The following ARL3 variants were observed in gnomAD, a reference collection of about 807,000 sequenced individuals.
ARL3 encodes ADP-ribosylation factor-like protein 3.
ARL3 carries 9 observed loss-of-function variants against 26.0 expected under a neutral mutation model. The observed-to-expected ratio is 0.35, with a 90% confidence interval of 0.21 to 0.60. ARL3 has a LOEUF of 0.60. Among genes scored for constraint, ARL3 ranks in the 20% least tolerant of loss-of-function variants. The pLI is 0.78. For synonymous variants in ARL3, 71 were observed against 78.4 expected (o/e 0.91, Z 0.50); for missense variants, 158 against 215.7 (o/e 0.73, Z 1.67).
chr10:102,679,528 C>G (rs1034720278), intron 5 of ARL3, among the ~76,000 whole-genome samples: 2 of 152,236 alleles, frequency 1.3e-5, no homozygotes, highest in Non-Finnish European at 2.9e-5. Context: ...TCCAGAGCTG[C>G]TTACCAGTTC....
chr10:102,678,074 C>T (rs966860339), intron 5 of ARL3, among the ~76,000 whole-genome samples: 2 of 152,172 alleles, frequency 1.3e-5, no homozygotes, highest in African/African-American at 2.4e-5. Flanking sequence ...CTCATCTGAC[C>T]GTCACCTGAA....
intron 5 of ARL3, among the ~76,000 whole-genome samples, chr10:102,684,547 T>G (rs1346650503): frequency 6.6e-6 from 1 of 152,224 alleles, no homozygotes; most frequent in Non-Finnish European, 1.5e-5. Flanking sequence ...TTCTTGGGTC[T>G]CATCTTCATC....
chr10:102,701,226 G>C (rs926404279), intron 2 of ARL3, among the ~76,000 whole-genome samples: 1 of 152,106 alleles, frequency 6.6e-6, no homozygotes, highest in African/African-American at 2.4e-5. Context: ...AAATTACATA[G>C]GGAAACCAGG....
chr10:102,687,336 C>T (rs1035836615), intron 4 of ARL3, among the ~76,000 whole-genome samples: 1 of 151,368 alleles, frequency 6.6e-6, no homozygotes, highest in Admixed American at 6.6e-5. Flanking sequence ...TGGGCTCAAG[C>T]AATGCTTAAC....
At chr10:102,711,490 G>A (rs1300100094) in intron 1 of ARL3, among the ~76,000 whole-genome samples, 2 of 151,988 alleles carry the variant, frequency 1.3e-5, no homozygotes, top group Non-Finnish European at 2.9e-5. Flanking sequence ...GGTGGCTCAC[G>A]CCTGTAATCC....
intron 2 of ARL3, among the ~76,000 whole-genome samples, chr10:102,701,146 TA>T (rs2064277795): frequency 6.6e-6 from 1 of 152,092 alleles, no homozygotes; most frequent in African/African-American, 2.4e-5. Context: ...AGAAACAAAT[TA>T]ACAAGCCCTT....
chr10:102,683,813 G>A (rs1025067547), intron 5 of ARL3, among the ~76,000 whole-genome samples: 23 of 152,220 alleles, frequency 1.5e-4, no homozygotes, highest in African/African-American at 5.3e-4. Context: ...GATGGGAGTT[G>A]GGGGAGGGCT....
Position 102,675,772 on chromosome 10 carries a change from T to C in ARL3, c.*1122A>G, listed in dbSNP as rs1329832646. 2.0e-5 allele frequency: 3 copies of C among 152,280 alleles called. No homozygotes were observed. The highest frequency in any genetic ancestry group is 4.4e-5 in the Non-Finnish European group (3 of 68,064). The allele number at this position is 152,280 out of a possible 1,614,324, so 9.4% of individuals were successfully genotyped here. A position where few individuals can be genotyped will look rare whatever the true frequency, so the allele number is the denominator to read the frequency against. ...ACCCCTGCAGTCACACACACACCCA[T>C]GTCCTCCCCAGCAGCAAACCCTCTC... is the stretch of plus-strand genomic sequence containing the variant. On this transcript the variant is annotated 3_prime_UTR_variant, in exon 6 of 6. Transcript: ENST00000260746.
At chr10:102,686,447 C>T (rs1342371272) in intron 4 of ARL3, among the ~76,000 whole-genome samples, 1 of 148,224 alleles carries the variant, frequency 6.7e-6, no homozygotes, top group Non-Finnish European at 1.5e-5. Context: ...TAGTGATTCT[C>T]AAACTTTTTT....
At chr10:102,682,678 G>A (rs1237590716) in intron 5 of ARL3, among the ~76,000 whole-genome samples, 2 of 152,202 alleles carry the variant, frequency 1.3e-5, no homozygotes, top group Non-Finnish European at 2.9e-5. Context: ...GCCCCCGTGA[G>A]GCTACCTATT....
intron 5 of ARL3, among the ~76,000 whole-genome samples, chr10:102,683,883 T>C (rs565335309): frequency 6.6e-6 from 1 of 152,318 alleles, no homozygotes; most frequent in African/African-American, 2.4e-5. Flanking sequence ...TCTGAAGCAG[T>C]GTCCTTGACT....
At position 102,699,305 on chromosome 10, in the gene ARL3, T is replaced by A. The variant is rs979528009; in HGVS notation, c.264+68A>T. On this transcript the variant is annotated intron_variant, in intron 3 of 5. Transcript: ENST00000260746. Reference sequence around the variant, plus strand: ...TGGAATTACTGACAAGAAAGAATGTTACAGTGTCCATGTTTCTAACACATG... The same window carrying A: ...TGGAATTACTGACAAGAAAGAATGTAACAGTGTCCATGTTTCTAACACATG... 6.8e-6 allele frequency: 6 copies of A among 887,738 alleles called. No homozygotes were observed. The Admixed American group carries it at 8.4e-5, about 12-fold the overall frequency. 55.0% of individuals were successfully genotyped at this position (887,738 alleles called of 1,614,324 possible).
At chr10:102,693,841 T>A (rs1375634967) in intron 3 of ARL3, among the ~76,000 whole-genome samples, 1 of 151,612 alleles carries the variant, frequency 6.6e-6, no homozygotes, top group East Asian at 1.9e-4. Flanking sequence ...ACTGGCTAAT[T>A]TTTTTTTATT....
At chr10:102,702,228 C>T (rs920575381) in intron 2 of ARL3, among the ~76,000 whole-genome samples, 11 of 151,902 alleles carry the variant, frequency 7.2e-5, no homozygotes, top group African/African-American at 2.4e-4. Flanking sequence ...ATGATACAAG[C>T]TAGTATATCC....
At chr10:102,709,557 G>A (rs1354740480) in intron 1 of ARL3, among the ~76,000 whole-genome samples, 1 of 148,606 alleles carries the variant, frequency 6.7e-6, no homozygotes, top group Non-Finnish European at 1.5e-5. Flanking sequence ...TGAGACAGAA[G>A]GATGGCTTGA....
intron 1 of ARL3, among the ~76,000 whole-genome samples, chr10:102,711,558 T>C (rs2064340793): frequency 6.6e-6 from 1 of 151,960 alleles, no homozygotes; most frequent in African/African-American, 2.4e-5. Context: ...CAGACCATCC[T>C]GGCTAACATG....
intron 3 of ARL3, among the ~76,000 whole-genome samples, chr10:102,690,986 G>A (rs933803045): frequency 1.3e-5 from 2 of 150,832 alleles, no homozygotes; most frequent in African/African-American, 4.9e-5. Flanking sequence ...CTCCTGAGTA[G>A]TTGAGATTAC....
At chr10:102,695,699 T>A (rs192059220) in intron 3 of ARL3, among the ~76,000 whole-genome samples, 76 of 152,324 alleles carry the variant, frequency 5.0e-4, no homozygotes, top group African/African-American at 1.8e-3. Flanking sequence ...GTATTTTTAG[T>A]AGAGACGGGG....
intron 4 of ARL3, among the ~76,000 whole-genome samples, chr10:102,689,584 C>A (rs1312080823): frequency 2.0e-5 from 3 of 152,200 alleles, no homozygotes; most frequent in African/African-American, 7.2e-5. Flanking sequence ...GTAATCCCAG[C>A]ACCTTGTGAG....
Sources: gnomAD v4.1 joint callset for allele counts (sites outside exome capture counted in the v4.1 genomes callset) on GRCh38, gnomAD v4.1.1 for gene constraint, MANE v1.5 for transcripts, NCBI Gene and HGNC (gene_info 2026-07-23, HGNC 2026-07-21) for gene names.